TLK1: variants seen among roughly 807,000 people sequenced by gnomAD.
The protein encoded by TLK1 is serine/threonine-protein kinase tousled-like 1.
TLK1 carries 24 observed loss-of-function variants against 105.3 expected under a neutral mutation model. The ratio of observed to expected loss-of-function variants is 0.23; its 90% CI spans 0.17 to 0.32. TLK1 has a LOEUF of 0.32. TLK1 is among the 10% of genes least tolerant of loss of function. The probability of loss-of-function intolerance (pLI) is 1.00; values close to 1 mark genes in which losing one functional copy is unlikely to be tolerated. For synonymous variants in TLK1, 321 were observed against 310.4 expected (o/e 1.03, Z -0.36); for missense variants, 558 against 910.5 (o/e 0.61, Z 4.98).
intron 4 of TLK1, among the ~76,000 whole-genome samples, chr2:171,059,560 C>T (rs1575561842): frequency 1.3e-5 from 2 of 152,008 alleles, no homozygotes; most frequent in Non-Finnish European, 2.9e-5. Flanking sequence ...TGACACTATC[C>T]ACCTACAGAT....
chr2:171,000,924 A>T (rs555624661), intron 18 of TLK1, among the ~76,000 whole-genome samples: 1 of 152,078 alleles, frequency 6.6e-6, no homozygotes, highest in Non-Finnish European at 1.5e-5. Flanking sequence ...GGAAGCACTC[A>T]TCTCCATCAA....
intron 11 of TLK1, among the ~76,000 whole-genome samples, chr2:171,036,216 G>A (rs56886495): frequency 0.056 from 8,500 of 152,230 alleles, 381 homozygotes; most frequent in African/African-American, 0.12. Flanking sequence ...AGGCCAAGGC[G>A]GGTGAACTGC....
chr2:171,018,652 T>C lies in TLK1; in HGVS notation c.1237-3704A>G, dbSNP rs151074758. On this transcript the variant is annotated intron_variant, in intron 12 of 20. Transcript: ENST00000431350. ...CCACAGAATAGAATCCTCAAACTCATAGCAAAACTAGGCCAGACGAGTAGA... is the reference window on the plus strand; with the variant it reads ...CCACAGAATAGAATCCTCAAACTCACAGCAAAACTAGGCCAGACGAGTAGA... 4.5e-3 allele frequency among the ~76,000 whole-genome samples: 681 copies of C among 152,280 alleles called. 7 individuals carry two copies. Among genetic ancestry groups the C allele is most frequent in the African/African-American group, 0.015 (617 of 41,562 alleles).
chr2:171,196,865 T>C (rs1180659753), intron 1 of TLK1, among the ~76,000 whole-genome samples: 1 of 152,236 alleles, frequency 6.6e-6, no homozygotes, highest in Non-Finnish European at 1.5e-5. Flanking sequence ...TATGCCTATA[T>C]GAATATAGCT....
intron 1 of TLK1, among the ~76,000 whole-genome samples, chr2:171,141,231 G>A (rs938689858): frequency 6.6e-6 from 1 of 152,148 alleles, no homozygotes; most frequent in Non-Finnish European, 1.5e-5. Context: ...ACTGACGAAC[G>A]AGCTCATCAG....
chr2:171,170,971 G>A (rs895726662), intron 1 of TLK1, among the ~76,000 whole-genome samples: 14 of 152,094 alleles, frequency 9.2e-5, no homozygotes, highest in African/African-American at 2.9e-4. Flanking sequence ...GGGAAAATAC[G>A]TACTTTGACC....
At chr2:171,223,623 G>A (rs899888687) in intron 1 of TLK1, among the ~76,000 whole-genome samples, 4 of 151,708 alleles carry the variant, frequency 2.6e-5, no homozygotes, top group Non-Finnish European at 5.9e-5. Context: ...GGGATTATAG[G>A]TGCTCACCAC....
chr2:171,148,491 G>A lies in TLK1; in HGVS notation c.139+11799C>T, dbSNP rs540362984. On this transcript the variant is annotated intron_variant, in intron 1 of 20. Transcript: ENST00000431350. ...GAGAGAAAGGCGAGACAAAAAACAA[G>A]CTAATATTATGGAGTCATTGCAAAG... Among the ~76,000 whole-genome samples, 4 of 152,126 alleles carry A rather than the reference G, an allele frequency of 2.6e-5. No homozygotes were observed. In the South Asian group the frequency reaches 8.3e-4, roughly 32 times the overall value.
At chr2:171,149,654 C>T (rs1216704424) in intron 1 of TLK1, among the ~76,000 whole-genome samples, 2 of 152,124 alleles carry the variant, frequency 1.3e-5, no homozygotes, top group African/African-American at 4.8e-5. Context: ...GCCTGTAATC[C>T]CAACACTTTG....
At chr2:171,114,718 C>T (rs1227898427) in intron 2 of TLK1, among the ~76,000 whole-genome samples, 1 of 152,040 alleles carries the variant, frequency 6.6e-6, no homozygotes, top group East Asian at 1.9e-4. Flanking sequence ...ACCTGTACTG[C>T]CAGCTACTGG....
chr2:171,095,415 A>C (rs1225383100), intron 2 of TLK1, among the ~76,000 whole-genome samples: 2 of 152,196 alleles, frequency 1.3e-5, no homozygotes, highest in Admixed American at 1.3e-4. Flanking sequence ...AAATTACTAC[A>C]ATCAGAAATG....
At chr2:171,044,394 A>G (rs1056470676) in intron 11 of TLK1, among the ~76,000 whole-genome samples, 1 of 152,222 alleles carries the variant, frequency 6.6e-6, no homozygotes. Context: ...ATGTGTGTGT[A>G]AAGACAGACT....
chr2:171,028,972 CA>C (rs1267298286), intron 11 of TLK1, among the ~76,000 whole-genome samples: 1 of 151,936 alleles, frequency 6.6e-6, no homozygotes, highest in Non-Finnish European at 1.5e-5. Context: ...AACAAAAAGA[CA>C]ACCATGAGAG....
At chr2:171,020,148 T>TA (rs546289745) in intron 12 of TLK1, among the ~76,000 whole-genome samples, 1 of 151,950 alleles carries the variant, frequency 6.6e-6, no homozygotes, top group Non-Finnish European at 1.5e-5. Context: ...CTCTAAGTCC[T>TA]AAAAAAATTA....
At chr2:171,136,890 T>C (rs1199193581) in intron 1 of TLK1, among the ~76,000 whole-genome samples, 1 of 152,256 alleles carries the variant, frequency 6.6e-6, no homozygotes, top group Non-Finnish European at 1.5e-5. Flanking sequence ...TTGTGATTAG[T>C]AAAATCAATA....
chr2:171,191,296 T>C (rs1470008514), intron 1 of TLK1, among the ~76,000 whole-genome samples: 2 of 151,580 alleles, frequency 1.3e-5, no homozygotes, highest in African/African-American at 4.9e-5. Flanking sequence ...TAGCCAGGAG[T>C]GGTGGCTCAT....
chr2:171,050,120 A>G lies in TLK1; in HGVS notation c.787T>C (p.Tyr263His). 6.3e-7 allele frequency: 1 copy of G among 1,599,020 alleles called. No homozygotes were observed. Among genetic ancestry groups the G allele is most frequent in the Non-Finnish European group, 8.5e-7 (1 of 1,170,520 alleles). ...ATGCACTTATTTAATCGTTCTTTGTATTTTTCAAGTAATTTTTGTTGTTCA... is the reference window on the plus strand; with the variant it reads ...ATGCACTTATTTAATCGTTCTTTGTGTTTTTCAAGTAATTTTTGTTGTTCA... ...IDEQQKLLEKYKERLNKCISM... is the reference protein window; with the variant it reads ...IDEQQKLLEKHKERLNKCISM... Residue 263 changes from tyrosine (Y) to histidine (H), a missense_variant, in exon 9 of 21, where the codon TAC (tyrosine) becomes CAC (histidine). By Grantham distance (83) the Tyr-to-His change is moderately conservative (BLOSUM62 2). This residue lies in a region of TLK1 where 196 missense variants were observed against 239.3 expected (regional missense o/e 0.82). Transcript: ENST00000431350.
chr2:171,117,921 A>G, intron 1 of TLK1, 64 bp from the exon 2 acceptor site: 1 of 1,142,318 alleles, frequency 8.8e-7, no homozygotes, highest in Non-Finnish European at 1.2e-6. Flanking sequence ...ACTTACACAC[A>G]CAAATATATA....
intron 12 of TLK1, among the ~76,000 whole-genome samples, chr2:171,022,439 CA>C (rs1338564062): frequency 2.0e-5 from 3 of 151,850 alleles, no homozygotes; most frequent in African/African-American, 7.2e-5. Flanking sequence ...CACACACACA[CA>C]CCTCCCTCCA....
Sources: gnomAD v4.1 joint callset for allele counts (sites outside exome capture counted in the v4.1 genomes callset) on GRCh38, gnomAD v4.1.1 for gene constraint, gnomAD v4.1.1 regional missense constraint, MANE v1.5 for transcripts, NCBI Gene and HGNC (gene_info 2026-07-23, HGNC 2026-07-21) for gene names.